TMEM50B: variants seen among roughly 807,000 people sequenced by gnomAD.
The protein encoded by TMEM50B is HCV p7-trans-regulated protein 3.
A neutral mutation model predicts 23.4 loss-of-function variants in TMEM50B; 14 were observed. That is an observed-to-expected ratio of 0.60 (90% confidence interval 0.39 to 0.93). The LOEUF is 0.93. Among genes scored for constraint, TMEM50B ranks in the 40% least tolerant of loss-of-function variants. The pLI is 0.00. For synonymous variants in TMEM50B, 64 were observed against 62.3 expected, an observed-to-expected ratio of 1.03 and a Z score of -0.13; for missense variants, 159 against 193.0, an observed-to-expected ratio of 0.82 and a Z score of 1.04.
At chr21:33,466,781 A>G (rs199840359) in intron 3 of TMEM50B, among the ~76,000 whole-genome samples, 1 of 29,194 alleles carries the variant, frequency 3.4e-5, no homozygotes, top group Non-Finnish European at 5.1e-5. Flanking sequence ...AAATATGAGG[A>G]AAAAAAAAAA....
At chr21:33,441,731 G>T (rs1351258609) in intron 7 of TMEM50B, among the ~76,000 whole-genome samples, 1 of 152,178 alleles carries the variant, frequency 6.6e-6, no homozygotes, top group Non-Finnish European at 1.5e-5. Context: ...CTGGATTCAA[G>T]AAATTCTCCT....
At chr21:33,475,886 G>A (rs1461767010) in intron 1 of TMEM50B, among the ~76,000 whole-genome samples, 1 of 151,992 alleles carries the variant, frequency 6.6e-6, no homozygotes, top group African/African-American at 2.4e-5. Context: ...CCCAGGAGGT[G>A]GAGGTTGCAG....
rs1436823940 is a variant in TMEM50B at position 33,450,495 on chromosome 21, CAG to C, written c.*321_*322del. ...ACAGGCATGAGCCACCGTGCCCAGCCAGAGAGACAAGAGTGGTTACTTCTAAA... is the reference window on the plus strand; with the variant it reads ...ACAGGCATGAGCCACCGTGCCCAGCCAGAGACAAGAGTGGTTACTTCTAAA... On this transcript the variant is annotated 3_prime_UTR_variant, in exon 7 of 7. Transcript: ENST00000542230. 1 of 202,888 alleles carries C rather than the reference CAG, an allele frequency of 4.9e-6. No individual in the cohort carries two copies. The highest frequency in any genetic ancestry group is 2.3e-5 in the African/African-American group (1 of 43,352). The allele number at this position is 202,888 out of a possible 1,614,324, so 12.6% of individuals were successfully genotyped here.
intron 3 of TMEM50B, among the ~76,000 whole-genome samples, chr21:33,465,959 T>C (rs13048270): frequency 0.18 from 28,032 of 152,092 alleles, 3,154 homozygotes; most frequent in Non-Finnish European, 0.24. Flanking sequence ...TTTTCCAAAA[T>C]ATAACCTTTT....
Position 33,467,114 on chromosome 21 carries a change from T to G in TMEM50B, c.108A>C (p.Thr36=). 6.2e-7 allele frequency: 1 copy of G among 1,613,904 alleles called. No individual in the cohort carries two copies. Among genetic ancestry groups the G allele is most frequent in the Non-Finnish European group, 8.5e-7 (1 of 1,179,888 alleles). The stretch of plus-strand genomic sequence containing the variant: ...CTGCATCAATCATTATCCACCAGCC[T>G]GTAAAAAACTTAAAACACAGCCCAA... ...ASVVAGILFF[T]GWWIMIDAAV... Residue 36 remains threonine, a synonymous_variant, in exon 3 of 7, where the codon ACA becomes ACC. Transcript: ENST00000542230.
chr21:33,442,357 G>C (rs760536828), intron 7 of TMEM50B, among the ~76,000 whole-genome samples: 1 of 152,142 alleles, frequency 6.6e-6, no homozygotes, highest in African/African-American at 2.4e-5. Flanking sequence ...CTACGCTTGA[G>C]AGGGTATGGA....
intron 8 of TMEM50B, among the ~76,000 whole-genome samples, chr21:33,437,982 C>CAAAAAA: frequency 1.0e-5 from 1 of 96,716 alleles, no homozygotes; most frequent in Admixed American, 1.2e-4. Context: ...GACCCTATCT[C>CAAAAAA]AAAAAAAAAA....
intron 8 of TMEM50B, chr21:33,432,866 G>A: frequency 6.2e-7 from 1 of 1,609,524 alleles, no homozygotes. Context: ...ATTACAGATA[G>A]AAGAGGTACG....
intron 3 of TMEM50B, 145 bp downstream of exon 3, chr21:33,466,865 C>A (rs370926281): frequency 3.5e-6 from 2 of 578,220 alleles, no homozygotes; most frequent in Non-Finnish European, 5.8e-6. Flanking sequence ...TAAAAAAAAT[C>A]GTAATAAAAT....
rs1266307552 is a variant in TMEM50B, at chr21:33,450,509, T to C, written c.*309A>G. ...CCGTGCCCAGCCAGAGAGACAAGAGTGGTTACTTCTAAAATGACAAGATGA... is the reference window on the plus strand; with the variant it reads ...CCGTGCCCAGCCAGAGAGACAAGAGCGGTTACTTCTAAAATGACAAGATGA... On this transcript the variant is annotated 3_prime_UTR_variant, in exon 7 of 7. Transcript: ENST00000542230. 1 of 229,786 alleles carries C rather than the reference T, an allele frequency of 4.4e-6. No homozygotes were observed. 14.2% of individuals were successfully genotyped at this position (229,786 alleles called of 1,614,324 possible). A position where few individuals can be genotyped will look rare whatever the true frequency, so the allele number is the denominator to read the frequency against.
chr21:33,437,914 C>T (rs891915080), intron 8 of TMEM50B, among the ~76,000 whole-genome samples: 2 of 149,010 alleles, frequency 1.3e-5, no homozygotes, highest in African/African-American at 5.0e-5. Flanking sequence ...GCCTGGGAGG[C>T]GGAGGTTACC....
At chr21:33,439,128 G>A (rs749575836) in intron 8 of TMEM50B, 2 of 152,338 alleles carry the variant, frequency 1.3e-5, no homozygotes, top group African/African-American at 2.4e-5. Context: ...AAGTCTCCCT[G>A]TGAAGCATCT....
intron 1 of TMEM50B, among the ~76,000 whole-genome samples, chr21:33,477,961 C>A (rs2084389661): frequency 6.6e-6 from 1 of 150,950 alleles, no homozygotes; most frequent in South Asian, 2.1e-4. Flanking sequence ...CGGTGAAAAC[C>A]CGTCTTTACT....
At chr21:33,468,066 T>TTAAAAA in intron 2 of TMEM50B, among the ~76,000 whole-genome samples, 1 of 131,430 alleles carries the variant, frequency 7.6e-6, no homozygotes. Context: ...CTCGTCTCTT[T>TTAAAAA]AAAAAAAAAA....
At chr21:33,444,803 C>CAAAATAA (rs2084038515), downstream of TMEM50B, among the ~76,000 whole-genome samples, 1 of 96,332 alleles carries the variant, frequency 1.0e-5, no homozygotes, top group Non-Finnish European at 1.9e-5. Context: ...CATCTCTTTA[C>CAAAATAA]AAAAAAAAAA....
At chr21:33,455,200 T>C (rs2084158498) in intron 6 of TMEM50B, among the ~76,000 whole-genome samples, 1 of 152,124 alleles carries the variant, frequency 6.6e-6, no homozygotes, top group South Asian at 2.1e-4. Flanking sequence ...TTAAATGCAT[T>C]ATTTTATTTT....
Position 33,450,854 on chromosome 21 carries a change from G to C in TMEM50B, c.441C>G (p.Ile147Met). The C allele has an allele frequency of 6.2e-7, 1 of 1,613,062 alleles. No homozygotes were observed. The highest frequency in any genetic ancestry group is 8.5e-7 in the Non-Finnish European group (1 of 1,179,492). The change falls in exon 7 of 7, where the codon ATC (isoleucine) becomes ATG (methionine). Residue 147 changes from isoleucine (I) to methionine (M), a missense_variant. Transcript: ENST00000542230. ...GCTCTTCGGTTCTTCCAAATTTGTA[G>C]ATCAGAGTGCTAGAAAGATAGGAAA... is the stretch of plus-strand genomic sequence containing the variant. ...QNALIFFSTL[I>M]YKFGRTEELW... is the part of the protein sequence containing the mutation.
chr21:33,469,852 T>C (rs1601131481), intron 1 of TMEM50B, among the ~76,000 whole-genome samples: 1 of 152,284 alleles, frequency 6.6e-6, no homozygotes, highest in African/African-American at 2.4e-5. Flanking sequence ...ACCAGATATA[T>C]GGAGCAGAGA....
At chr21:33,439,984 T>C (rs1354783561) in intron 7 of TMEM50B, among the ~76,000 whole-genome samples, 1 of 151,930 alleles carries the variant, frequency 6.6e-6, no homozygotes, top group African/African-American at 2.4e-5. Context: ...AAGCGGAGGT[T>C]GCAGTGAGCT....
Sources: gnomAD v4.1 joint callset for allele counts (sites outside exome capture counted in the v4.1 genomes callset) on GRCh38, gnomAD v4.1.1 for gene constraint, MANE v1.5 for transcripts, NCBI Gene and HGNC (gene_info 2026-07-23, HGNC 2026-07-21) for gene names.